NRG1: variants seen among roughly 807,000 people sequenced by gnomAD.
NRG1 encodes the protein pro-neuregulin-1, membrane-bound isoform.
A neutral mutation model predicts 63.8 loss-of-function variants in NRG1; 18 were observed. The observed-to-expected ratio is 0.28, with a 90% CI of 0.19 to 0.42. The LOEUF (loss-of-function observed/expected upper bound fraction) is 0.42. Ranked by LOEUF, NRG1 falls within the 10% of genes least tolerant of loss-of-function variation. The probability of loss-of-function intolerance (pLI) is 1.00; values close to 1 mark genes in which losing one functional copy is unlikely to be tolerated. For synonymous variants in NRG1, 302 were observed against 301.3 expected (o/e 1.00, Z -0.02); for missense variants, 762 against 814.7 (o/e 0.94, Z 0.79).
intron 1 of NRG1, among the ~76,000 whole-genome samples, chr8:31,908,178 C>T (rs552548868): frequency 1.3e-5 from 2 of 152,140 alleles, no homozygotes; most frequent in Non-Finnish European, 2.9e-5. Flanking sequence ...TTTCTTTGCT[C>T]ATTAACACCT....
At chr8:31,902,232 G>C (rs754262415) in intron 1 of NRG1, among the ~76,000 whole-genome samples, 1 of 152,176 alleles carries the variant, frequency 6.6e-6, no homozygotes, top group Non-Finnish European at 1.5e-5. Context: ...AAAATGTGAA[G>C]AGAAGGGGTG....
Position 31,936,611 on chromosome 8 carries a change from A to G in NRG1, c.37+297180A>G, listed in dbSNP as rs576533544. 2.0e-3 allele frequency among the ~76,000 whole-genome samples: 302 copies of G among 152,282 alleles called. 1 individual carries two copies. The highest frequency in any genetic ancestry group is 7.0e-3 in the African/African-American group (293 of 41,562). ...TCAGAAAAGTTTTCTTAAATACAAAACTCACTCACTTTATTTTAATGCCCG... is the reference window on the plus strand; with the variant it reads ...TCAGAAAAGTTTTCTTAAATACAAAGCTCACTCACTTTATTTTAATGCCCG... On this transcript the variant is annotated intron_variant, in intron 1 of 10. Coordinates refer to the NRG1 transcript ENST00000519301.
intron 1 of NRG1, among the ~76,000 whole-genome samples, chr8:32,415,962 C>T (rs10087829): frequency 6.6e-6 from 1 of 152,010 alleles, no homozygotes; most frequent in Non-Finnish European, 1.5e-5. Flanking sequence ...GACCACACTG[C>T]AGCCTTTAGT....
At chr8:31,753,327 TCA>T (rs1195165553) in intron 1 of NRG1, among the ~76,000 whole-genome samples, 2 of 150,884 alleles carry the variant, frequency 1.3e-5, no homozygotes, top group Non-Finnish European at 3.0e-5. Context: ...ATGATGAAAA[TCA>T]GTCATCAAAA....
chr8:32,678,506 C>T (rs925060013), intron 5 of NRG1, among the ~76,000 whole-genome samples: 1 of 152,052 alleles, frequency 6.6e-6, no homozygotes, highest in African/African-American at 2.4e-5. Context: ...CTTTCTCACT[C>T]TGAGTCCAAT....
chr8:32,136,990 G>GTA (rs1835613268), intron 1 of NRG1, among the ~76,000 whole-genome samples: 1 of 152,056 alleles, frequency 6.6e-6, no homozygotes, highest in Non-Finnish European at 1.5e-5. Context: ...ATATAAGGAG[G>GTA]TAATTACATT....
chr8:31,701,506 C>T (rs911041846), intron 1 of NRG1, among the ~76,000 whole-genome samples: 1 of 151,910 alleles, frequency 6.6e-6, no homozygotes, highest in East Asian at 1.9e-4. Context: ...CTAGATTTGC[C>T]TGGTAAATCC....
In NRG1 at chr8:31,921,240, AC is replaced by A. The variant is rs1204443942; in HGVS notation, c.37+281810del. ...CTCGGTATTTCCTGAAAGTCGCCACACTATAACAGATAACCAATCAAATTTG... is the reference window on the plus strand; with the variant it reads ...CTCGGTATTTCCTGAAAGTCGCCACATATAACAGATAACCAATCAAATTTG... On this transcript the variant is annotated intron_variant, in intron 1 of 10. Coordinates refer to the NRG1 transcript ENST00000519301. Among the ~76,000 whole-genome samples the A allele has an allele frequency of 3.9e-5, 6 of 152,282 alleles. No homozygotes were observed. In the East Asian group the frequency reaches 1.2e-3, roughly 29 times the overall value.
At chr8:32,537,594 G>GAGCAGC (rs1393273252) in intron 1 of NRG1, among the ~76,000 whole-genome samples, 4 of 152,178 alleles carry the variant, frequency 2.6e-5, no homozygotes, top group Non-Finnish European at 5.9e-5. Flanking sequence ...GGGTTGGCAG[G>GAGCAGC]AGCAGCAGCA....
At chr8:32,357,646 C>G (rs1199825352) in intron 1 of NRG1, among the ~76,000 whole-genome samples, 2 of 152,184 alleles carry the variant, frequency 1.3e-5, no homozygotes, top group Admixed American at 1.3e-4. Flanking sequence ...AGTAGAAAGC[C>G]TCTCTTTCCT....
intron 1 of NRG1, among the ~76,000 whole-genome samples, chr8:31,909,516 C>A (rs1832776605): frequency 6.6e-6 from 1 of 152,162 alleles, no homozygotes; most frequent in African/African-American, 2.4e-5. Context: ...GTTTGATCAA[C>A]ATTTATGTAA....
At chr8:31,755,846 C>A (rs540154570) in intron 1 of NRG1, among the ~76,000 whole-genome samples, 1 of 152,144 alleles carries the variant, frequency 6.6e-6, no homozygotes, top group Admixed American at 6.6e-5. Flanking sequence ...TTTTCTCAGT[C>A]CCTGAAGTAT....
chr8:31,985,342 A>C (rs1382521916), intron 1 of NRG1, among the ~76,000 whole-genome samples: 1 of 152,110 alleles, frequency 6.6e-6, no homozygotes, highest in African/African-American at 2.4e-5. Flanking sequence ...CAAAATTTTT[A>C]GGCAAAATTT....
At chr8:32,652,098 ACTCT>A (rs965429112) in intron 5 of NRG1, among the ~76,000 whole-genome samples, 1 of 151,724 alleles carries the variant, frequency 6.6e-6, no homozygotes, top group Admixed American at 6.6e-5. Flanking sequence ...AAACACACAC[ACTCT>A]CTCTCTCTAC....
chr8:31,795,592 G>T (rs924131065), intron 1 of NRG1, among the ~76,000 whole-genome samples: 2 of 152,044 alleles, frequency 1.3e-5, no homozygotes, highest in African/African-American at 4.8e-5. Context: ...AACTGGCTTT[G>T]GTTATTCCTT....
intron 1 of NRG1, among the ~76,000 whole-genome samples, chr8:32,093,825 A>T (rs753045438): frequency 3.9e-5 from 6 of 152,196 alleles, no homozygotes; most frequent in Non-Finnish European, 7.3e-5. Context: ...TAGTTTGGAT[A>T]AGATCTTTGA....
intron 5 of NRG1, among the ~76,000 whole-genome samples, chr8:32,627,964 A>C (rs1849589860): frequency 6.6e-6 from 1 of 152,210 alleles, no homozygotes; most frequent in Admixed American, 6.5e-5. Flanking sequence ...TTAGTTTTTA[A>C]TGTTCTACAC....
intron 1 of NRG1, among the ~76,000 whole-genome samples, chr8:31,930,890 T>A (rs1263430730): frequency 1.3e-5 from 2 of 152,218 alleles, no homozygotes; most frequent in African/African-American, 2.4e-5. Flanking sequence ...AAATGCCGTA[T>A]CTGAATATTA....
intron 1 of NRG1, among the ~76,000 whole-genome samples, chr8:32,123,627 G>A (rs62498895): frequency 8.1e-5 from 12 of 147,568 alleles, no homozygotes; most frequent in Non-Finnish European, 1.5e-4. Flanking sequence ...TATTCATTGT[G>A]CATTTATATA....
Sources: gnomAD v4.1 joint callset for allele counts (sites outside exome capture counted in the v4.1 genomes callset) on GRCh38, gnomAD v4.1.1 for gene constraint, MANE v1.5 for transcripts, NCBI Gene and HGNC (gene_info 2026-07-23, HGNC 2026-07-21) for gene names.